GRAMD1B: variants seen among roughly 807,000 people sequenced by gnomAD.
GRAMD1B encodes the protein protein Aster-B.
In GRAMD1B, 37 loss-of-function variants were observed where a neutral mutation model predicts 99.7. The ratio of observed to expected loss-of-function variants is 0.37; its 90% CI spans 0.29 to 0.49. The LOEUF (loss-of-function observed/expected upper bound fraction) is 0.49, where lower values mean the gene tolerates loss of function less well. GRAMD1B is among the 20% of genes least tolerant of loss of function. The pLI is 0.98. For missense variants in GRAMD1B, 888 were observed against 1,009.2 expected (o/e 0.88, Z 1.63); for synonymous variants, 427 against 387.6 (o/e 1.10, Z -1.19).
chr11:123,618,141 G>A (rs1954690146), intron 17 of GRAMD1B, among the ~76,000 whole-genome samples: 1 of 152,160 alleles, frequency 6.6e-6, no homozygotes, highest in African/African-American at 2.4e-5. Context: ...TAGCACCCGT[G>A]GAAATACTAA....
intron 7 of GRAMD1B, chr11:123,599,111 C>T (rs1344675679): frequency 3.5e-6 from 3 of 860,464 alleles, no homozygotes; most frequent in African/African-American, 3.3e-5. Flanking sequence ...CTCGAGCCTT[C>T]AGGAGCTCCT....
At chr11:123,576,808 C>A (rs1251066872) in intron 2 of GRAMD1B, among the ~76,000 whole-genome samples, 1 of 152,204 alleles carries the variant, frequency 6.6e-6, no homozygotes, top group Non-Finnish European at 1.5e-5. Flanking sequence ...CTCTGTCAGG[C>A]ACTGGTCTTC....
At chr11:123,438,432 C>T (rs1015157812) in intron 1 of GRAMD1B, among the ~76,000 whole-genome samples, 3 of 151,856 alleles carry the variant, frequency 2.0e-5, no homozygotes, top group Non-Finnish European at 4.4e-5. Context: ...TGTGGACAGT[C>T]GGGAGGCCAT....
Position 123,591,414 on chromosome 11 carries a change from C to A in GRAMD1B, c.685-2668C>A. ...TGGGCAATGGAATCACTGACGGAGTCGGGGGTCCTCTGGAGCCTTCTGCTG... is the reference window on the plus strand; with the variant it reads ...TGGGCAATGGAATCACTGACGGAGTAGGGGGTCCTCTGGAGCCTTCTGCTG... On this transcript the variant is annotated intron_variant, in intron 4 of 19. Coordinates refer to ENST00000635736, the MANE Select transcript of GRAMD1B (RefSeq NM_001387025.1). This position sits in a 1 kb window ranked among gnomAD's most constrained non-coding sequence, Gnocchi z 4.7. 2.5e-6 allele frequency: 1 copy of A among 399,094 alleles called. No homozygotes were observed. 24.7% of individuals were successfully genotyped at this position (399,094 alleles called of 1,614,324 possible).
chr11:123,565,153 C>A (rs553144905), intron 2 of GRAMD1B, among the ~76,000 whole-genome samples: 48 of 152,048 alleles, frequency 3.2e-4, no homozygotes, highest in Non-Finnish European at 4.1e-4. Context: ...CCTGCCCCAA[C>A]CCCTGAACAG....
chr11:123,548,453 A>G (rs1945299693), intron 2 of GRAMD1B, among the ~76,000 whole-genome samples: 1 of 151,604 alleles, frequency 6.6e-6, no homozygotes, highest in East Asian at 1.9e-4. Context: ...GGCAACAGAC[A>G]GCACTTCCTG....
intron 1 of GRAMD1B, among the ~76,000 whole-genome samples, chr11:123,386,572 G>A (rs1272772216): frequency 1.3e-5 from 2 of 151,800 alleles, no homozygotes; most frequent in Admixed American, 1.3e-4. Flanking sequence ...CAAGTAGCTG[G>A]GATTACAGGC....
chr11:123,619,203 C>A lies in GRAMD1B; in HGVS notation c.2523C>A (p.Ser841=), dbSNP rs771333772. ...ELQKWREIIK[S]SVMLLDQMKD... is the part of the protein sequence containing the mutation. ...AAAAATGGAGGGAAATCATCAAATC[C>A]TCAGTGATGCTCCTTGACCAGGTGA... The change falls in exon 19 of 20, where the codon TCC becomes TCA. Residue 841 remains serine (S), a synonymous_variant. Transcript: ENST00000635736. The A allele has an allele frequency of 3.2e-6, 5 of 1,561,170 alleles. No individual in the cohort carries two copies. The highest frequency in any genetic ancestry group is 4.3e-6 in the Non-Finnish European group (5 of 1,152,552).
chr11:123,369,368 G>A (rs368196266), intron 1 of GRAMD1B, among the ~76,000 whole-genome samples: 1 of 152,010 alleles, frequency 6.6e-6, no homozygotes, highest in South Asian at 2.1e-4. Flanking sequence ...GATAGGGAGA[G>A]GTTGCAAATA....
At chr11:123,494,119 C>T (rs1027643136) in intron 2 of GRAMD1B, among the ~76,000 whole-genome samples, 11 of 152,244 alleles carry the variant, frequency 7.2e-5, no homozygotes, top group African/African-American at 2.4e-4. Flanking sequence ...GTCCGCAACA[C>T]TTAGCACAGT....
chr11:123,445,633 T>C (rs1391694322), intron 1 of GRAMD1B, among the ~76,000 whole-genome samples: 1 of 151,898 alleles, frequency 6.6e-6, no homozygotes, highest in Non-Finnish European at 1.5e-5. Context: ...CTGGCCAACA[T>C]GGTGAAACCC....
At chr11:123,441,421 G>A (rs781646429) in intron 1 of GRAMD1B, among the ~76,000 whole-genome samples, 8 of 152,004 alleles carry the variant, frequency 5.3e-5, no homozygotes, top group African/African-American at 1.2e-4. Flanking sequence ...GAGGATTGCC[G>A]CTTGAGCCGA....
At position 123,441,264 on chromosome 11, in the gene GRAMD1B, G is replaced by A. The variant is rs1303338687; in HGVS notation, c.374+10098G>A. 2.6e-5 allele frequency among the ~76,000 whole-genome samples: 4 copies of A among 152,120 alleles called. No individual in the cohort carries two copies. In the South Asian group the frequency reaches 6.2e-4, roughly 24 times the overall value. On this transcript the variant is annotated intron_variant, in intron 1 of 19. Coordinates refer to ENST00000635736, the MANE Select transcript of GRAMD1B (RefSeq NM_001387025.1). ...GTACTCACTCATTCTCGAAAGAATGGCACCAAACCTTTCATAAGAGATCCT... is the reference window on the plus strand; with the variant it reads ...GTACTCACTCATTCTCGAAAGAATGACACCAAACCTTTCATAAGAGATCCT...
intron 3 of GRAMD1B, among the ~76,000 whole-genome samples, chr11:123,577,854 G>C (rs548762310): frequency 6.6e-5 from 10 of 151,994 alleles, no homozygotes; most frequent in Non-Finnish European, 1.2e-4. Context: ...GAATCATTAG[G>C]GGGTCATCTG....
chr11:123,421,744 G>A (rs774130311), intron 1 of GRAMD1B, among the ~76,000 whole-genome samples: 14 of 152,156 alleles, frequency 9.2e-5, no homozygotes, highest in Non-Finnish European at 1.5e-4. Context: ...AAGTTGTTTC[G>A]TTTCCTGGAA....
chr11:123,389,113 G>A (rs963641418), intron 1 of GRAMD1B, among the ~76,000 whole-genome samples: 2 of 152,182 alleles, frequency 1.3e-5, no homozygotes, highest in Middle Eastern at 3.4e-3. Context: ...GACCGGGCAC[G>A]GTGGCTCACA....
At chr11:123,367,325 G>A (rs1318486321) in intron 1 of GRAMD1B, among the ~76,000 whole-genome samples, 1 of 152,190 alleles carries the variant, frequency 6.6e-6, no homozygotes, top group Non-Finnish European at 1.5e-5. Flanking sequence ...AGAAGAGTCA[G>A]ACACCTTGTT....
chr11:123,436,451 A>T (rs1056527270), intron 1 of GRAMD1B, among the ~76,000 whole-genome samples: 31 of 152,256 alleles, frequency 2.0e-4, no homozygotes, highest in African/African-American at 7.5e-4. Context: ...TGAGGCTGAC[A>T]GACCGAAGGT....
chr11:123,562,398 A>C (rs951918687), intron 2 of GRAMD1B, among the ~76,000 whole-genome samples: 5 of 152,200 alleles, frequency 3.3e-5, no homozygotes, highest in Non-Finnish European at 5.9e-5. Context: ...GTACAGGGCC[A>C]GACAGTCAAT....
Sources: allele counts gnomAD v4.1 joint callset (sites outside exome capture counted in the v4.1 genomes callset), GRCh38; gene constraint gnomAD v4.1.1; non-coding constraint Gnocchi (gnomAD v3.1); transcripts MANE v1.5; gene names NCBI Gene and HGNC (gene_info 2026-07-23, HGNC 2026-07-21).